Variants in TRIM66 observed in about 807,000 individuals in gnomAD.
TRIM66 encodes the protein tripartite motif containing 66, also known as tripartite motif-containing protein 66.
Under a neutral mutation model 148.2 loss-of-function variants are expected in TRIM66, and 99 were observed. That is an observed-to-expected ratio of 0.67 (90% CI 0.57 to 0.79). The LOEUF (loss-of-function observed/expected upper bound fraction) is 0.79. TRIM66 is among the 30% of genes least tolerant of loss of function. The probability of loss-of-function intolerance (pLI) is 0.00; values close to 1 mark genes in which losing one functional copy is unlikely to be tolerated. For synonymous variants in TRIM66, 616 were observed against 635.9 expected (o/e 0.97, Z 0.47); for missense variants, 1,666 against 1,697.9 (o/e 0.98, Z 0.33).
chr11:8,619,540 G>A lies in TRIM66; in HGVS notation c.3748-5C>T. The stretch of plus-strand genomic sequence containing the variant: ...AATCTGGTAATAATGCCGGGCCTTG[G>A]GGGAGGAGACATGAGGAGAAGGAGG... On this transcript the variant is annotated splice_region_variant and splice_polypyrimidine_tract_variant and intron_variant, in intron 22 of 24. Transcript: ENST00000646038. 6.5e-7 allele frequency: 1 copy of A among 1,534,042 alleles called. No homozygotes were observed. The highest frequency in any genetic ancestry group is 1.2e-5 in the South Asian group (1 of 80,608).
Position 8,621,219 on chromosome 11 carries a change from C to T in TRIM66, c.3358G>A (p.Gly1120Ser), listed in dbSNP as rs1365698386. 1 of 1,551,574 alleles carries T rather than the reference C, an allele frequency of 6.4e-7. No individual in the cohort carries two copies. The highest frequency in any genetic ancestry group is 8.7e-7 in the Non-Finnish European group (1 of 1,147,004). The change falls in exon 20 of 25, where the codon GGC becomes AGC. Residue 1120 changes from glycine (G) to serine (S), a missense_variant. Gly to Ser is a moderately conservative substitution (Grantham distance 56). Transcript: ENST00000646038. ...AGTCTGTGTTCTTCAGGAGATGTGC[C>T]CTCCACTTCTGGTGGCCGCTGCCCA... ...LAGQRPPEVE[G>S]TSPEEHRLIP... is the part of the protein sequence containing the mutation.
intron 7 of TRIM66, among the ~76,000 whole-genome samples, 156 bp from the exon 8 acceptor site, chr11:8,650,043 G>A (rs772181983): frequency 3.9e-5 from 6 of 152,134 alleles, no homozygotes; most frequent in Admixed American, 1.3e-4. Context: ...GTAACATGCC[G>A]GGGCTTGTGG....
At chr11:8,631,420 TAAA>T (rs2035387163) in intron 15 of TRIM66, among the ~76,000 whole-genome samples, 2 of 152,208 alleles carry the variant, frequency 1.3e-5, no homozygotes, top group Non-Finnish European at 2.9e-5. Flanking sequence ...GCAATTGGCT[TAAA>T]AACATTATTT....
At chr11:8,662,283 T>A (rs2038310958) in intron 6 of TRIM66, among the ~76,000 whole-genome samples, 1 of 152,168 alleles carries the variant, frequency 6.6e-6, no homozygotes, top group African/African-American at 2.4e-5. Flanking sequence ...TGGCCTCCCA[T>A]TCCCACCCAA....
intron 15 of TRIM66, among the ~76,000 whole-genome samples, chr11:8,638,008 T>C (rs565211975): frequency 6.6e-5 from 10 of 152,226 alleles, no homozygotes; most frequent in African/African-American, 2.4e-4. Flanking sequence ...AGTAGGTGGG[T>C]GGACAGAAAG....
At chr11:8,676,370 G>C (rs926280084) in intron 3 of TRIM66, among the ~76,000 whole-genome samples, 1 of 152,170 alleles carries the variant, frequency 6.6e-6, no homozygotes, top group East Asian at 1.9e-4. Flanking sequence ...CCAGTGAAAA[G>C]ATCAAATAAC....
rs1159432152 is a variant in TRIM66, at chr11:8,638,083, T to A, written c.2310+571A>T. On this transcript the variant is annotated intron_variant, in intron 15 of 24. Coordinates refer to ENST00000646038, the MANE Select transcript of TRIM66 (RefSeq NM_001388022.1). ...GCTGCTCATCTACCTCTGTAGAACA[T>A]CCCTGCAGATCACTCACCCAACAAA... 3.9e-5 allele frequency among the ~76,000 whole-genome samples: 6 copies of A among 152,308 alleles called. No homozygotes were observed. In the South Asian group the frequency reaches 1.2e-3, roughly 32 times the overall value.
At chr11:8,650,703 C>A (rs2037283407) in intron 7 of TRIM66, among the ~76,000 whole-genome samples, 1 of 152,112 alleles carries the variant, frequency 6.6e-6, no homozygotes, top group Non-Finnish European at 1.5e-5. Flanking sequence ...GGAAGCCTTC[C>A]TGGAACTCAG....
At chr11:8,647,070 T>G (rs2036919638) in intron 10 of TRIM66, among the ~76,000 whole-genome samples, 1 of 122,080 alleles carries the variant, frequency 8.2e-6, no homozygotes, top group East Asian at 2.1e-4. Flanking sequence ...AAACATATAA[T>G]TATATAATAA....
At chr11:8,632,310 AAAATAAATAAAT>A (rs1304707289) in intron 15 of TRIM66, among the ~76,000 whole-genome samples, 1 of 152,142 alleles carries the variant, frequency 6.6e-6, no homozygotes, top group East Asian at 1.9e-4. Flanking sequence ...TTCATCTCAA[AAAATAAATAAAT>A]AAATAAATAA....
intron 22 of TRIM66, 101 bp from the exon 23 acceptor site, chr11:8,619,636 A>C: frequency 8.6e-7 from 1 of 1,159,116 alleles, no homozygotes; most frequent in Non-Finnish European, 1.2e-6. Flanking sequence ...GGTGAAATAT[A>C]AGTGAAAGAA....
At chr11:8,622,603 C>T (rs529543794) in intron 18 of TRIM66, among the ~76,000 whole-genome samples, 7 of 146,942 alleles carry the variant, frequency 4.8e-5, no homozygotes, top group Middle Eastern at 3.5e-3. Context: ...AGTGCAAGGG[C>T]GGCACCCAGA....
chr11:8,641,675 G>A (rs750103054), intron 13 of TRIM66, among the ~76,000 whole-genome samples: 23 of 152,182 alleles, frequency 1.5e-4, no homozygotes, highest in Middle Eastern at 3.4e-3. Flanking sequence ...CTGTGTCCCC[G>A]CCCAAATCTC....
chr11:8,634,018 C>A (rs1180017508), intron 15 of TRIM66, among the ~76,000 whole-genome samples: 3 of 152,162 alleles, frequency 2.0e-5, no homozygotes, highest in African/African-American at 4.8e-5. Context: ...ACATCTCAGG[C>A]TCCTAAGCCA....
intron 6 of TRIM66, among the ~76,000 whole-genome samples, chr11:8,658,147 G>C (rs1447032170): frequency 6.6e-6 from 1 of 152,196 alleles, no homozygotes; most frequent in African/African-American, 2.4e-5. Context: ...CATTTCTCTA[G>C]CTCACCTGAG....
intron 15 of TRIM66, among the ~76,000 whole-genome samples, chr11:8,637,494 A>G (rs2035988826): frequency 6.6e-6 from 1 of 152,252 alleles, no homozygotes; most frequent in South Asian, 2.1e-4. Context: ...AGGGTAGGAC[A>G]GGCACAGACA....
chr11:8,646,656 C>A, intron 10 of TRIM66, 95 bp from the exon 11 acceptor site: 1 of 938,580 alleles, frequency 1.1e-6, no homozygotes, highest in South Asian at 1.4e-5. Context: ...TGGAGGCTGC[C>A]TACTGAGATC....
At chr11:8,648,154 GAA>G in intron 9 of TRIM66, 68 bp from the exon 10 acceptor site, 1 of 1,357,626 alleles carries the variant, frequency 7.4e-7, no homozygotes, top group South Asian at 1.3e-5. Context: ...AACCAAGCGG[GAA>G]TCTCCACAGG....
Position 8,617,879 on chromosome 11 carries a change from G to A in TRIM66, c.*65C>T. The A allele has an allele frequency of 6.9e-7, 1 of 1,457,976 alleles. No individual in the cohort carries two copies. Among genetic ancestry groups the A allele is most frequent in the Non-Finnish European group, 9.4e-7 (1 of 1,061,716 alleles). 90.3% of individuals were successfully genotyped at this position (1,457,976 alleles called of 1,614,324 possible). A position where few individuals can be genotyped will look rare whatever the true frequency, so the allele number is the denominator to read the frequency against. ...ACACTCTGAAGAGGATAAGCTGCAAGATGGGGAGGAATGGTCGACAGTATG... is the reference window on the plus strand; with the variant it reads ...ACACTCTGAAGAGGATAAGCTGCAAAATGGGGAGGAATGGTCGACAGTATG... On this transcript the variant is annotated 3_prime_UTR_variant, in exon 25 of 25. Transcript: ENST00000646038.
Sources: allele counts gnomAD v4.1 joint callset (sites outside exome capture counted in the v4.1 genomes callset), GRCh38; gene constraint gnomAD v4.1.1; transcripts MANE v1.5; gene names NCBI Gene and HGNC (gene_info 2026-07-23, HGNC 2026-07-21).